Variants in FGF13 observed in about 807,000 individuals in gnomAD.
FGF13 encodes fibroblast growth factor homologous factor 2.
Under a neutral mutation model 19.5 loss-of-function variants are expected in FGF13, and 2 were observed. The observed-to-expected ratio is 0.10, with a 90% confidence interval of 0.04 to 0.32. The LOEUF is 0.32. Ranked by LOEUF, FGF13 falls within the 10% of genes least tolerant of loss-of-function variation. The probability of loss-of-function intolerance (pLI) is 1.00; values close to 1 mark genes in which losing one functional copy is unlikely to be tolerated. For missense variants in FGF13, 113 were observed against 192.7 expected (o/e 0.59, Z 2.45); for synonymous variants, 72 against 76.9 (o/e 0.94, Z 0.33).
intron 3 of FGF13, among the ~76,000 whole-genome samples, chrX:138,834,184 C>A (rs1310232722): frequency 8.9e-6 from 1 of 111,740 alleles, no homozygotes; most frequent in African/African-American, 3.3e-5. Flanking sequence ...AGGATGAATC[C>A]CTTGTTTTCA....
intron 1 of FGF13, among the ~76,000 whole-genome samples, chrX:138,988,964 T>G (rs2092004204): frequency 8.9e-6 from 1 of 112,005 alleles, no homozygotes; most frequent in Admixed American, 9.5e-5. Context: ...AATGACTAAG[T>G]ATTCATTTTA....
At chrX:138,814,505 CAAG>C (rs1041968792) in intron 3 of FGF13, among the ~76,000 whole-genome samples, 8 of 110,570 alleles carry the variant, frequency 7.2e-5, no homozygotes, top group African/African-American at 2.6e-4. Flanking sequence ...AACTCAATAG[CAAG>C]AAAACAAATA....
At chrX:139,091,550 G>A (rs545856704) in intron 1 of FGF13, among the ~76,000 whole-genome samples, 2 of 111,463 alleles carry the variant, frequency 1.8e-5, no homozygotes, top group South Asian at 7.7e-4. Context: ...ACTGTCCACT[G>A]AGAGAGACAA....
intron 1 of FGF13, among the ~76,000 whole-genome samples, chrX:138,973,682 G>A (rs751024480): frequency 9.0e-6 from 1 of 111,353 alleles, no homozygotes; most frequent in Non-Finnish European, 1.9e-5. Context: ...CTGATGTTGG[G>A]TGCATGTATA....
At chrX:138,981,636 C>T (rs1845275840) in intron 1 of FGF13, among the ~76,000 whole-genome samples, 1 of 110,435 alleles carries the variant, frequency 9.1e-6, no homozygotes, top group African/African-American at 3.3e-5. Context: ...TCCAACAGCC[C>T]AGCCCATTTG....
intron 1 of FGF13, among the ~76,000 whole-genome samples, chrX:139,016,933 T>C (rs1345124994): frequency 9.0e-6 from 1 of 111,332 alleles, no homozygotes; most frequent in Non-Finnish European, 1.9e-5. Flanking sequence ...TATTTTTGTC[T>C]TTCTAAAATA....
chrX:138,883,053 C>CA (rs1417703556), intron 1 of FGF13, among the ~76,000 whole-genome samples: 2 of 112,088 alleles, frequency 1.8e-5, no homozygotes, highest in African/African-American at 6.5e-5. Context: ...GAAGCACAGA[C>CA]ACATGGATCA....
At chrX:139,007,850 G>A (rs1469703222) in intron 1 of FGF13, among the ~76,000 whole-genome samples, 4 of 112,367 alleles carry the variant, frequency 3.6e-5, no homozygotes, top group Non-Finnish European at 5.6e-5. Flanking sequence ...GTGAAACACC[G>A]AAAAACTGTG....
chrX:139,111,886 C>G (rs1306277859), intron 1 of FGF13, among the ~76,000 whole-genome samples: 2 of 111,973 alleles, frequency 1.8e-5, no homozygotes, highest in Non-Finnish European at 3.8e-5. Flanking sequence ...TAGATTAAAA[C>G]TTAATCATTA....
At chrX:139,176,310 G>C (rs2084183377) in intron 1 of FGF13, among the ~76,000 whole-genome samples, 1 of 108,890 alleles carries the variant, frequency 9.2e-6, no homozygotes, top group South Asian at 4.0e-4. Context: ...TCTTTAATCT[G>C]GCTAGTGGTC....
At chrX:139,137,242 C>A (rs750612956) in intron 1 of FGF13, among the ~76,000 whole-genome samples, 1 of 112,202 alleles carries the variant, frequency 8.9e-6, no homozygotes, top group Non-Finnish European at 1.9e-5. Flanking sequence ...GCCTTTTACA[C>A]TTTACCACAA....
At chrX:138,936,264 C>A (rs1048414604) in intron 1 of FGF13, among the ~76,000 whole-genome samples, 2 of 112,132 alleles carry the variant, frequency 1.8e-5, no homozygotes, top group African/African-American at 6.5e-5. Flanking sequence ...AAGAGCTCTC[C>A]CTTAGTAATC....
chrX:138,965,468 T>G (rs1603078073), intron 1 of FGF13, among the ~76,000 whole-genome samples: 1 of 112,129 alleles, frequency 8.9e-6, no homozygotes, highest in Non-Finnish European at 1.9e-5. Flanking sequence ...TCTGGTACAC[T>G]GACAAGGTAA....
At chrX:138,796,359 T>C (rs1244963655) in intron 3 of FGF13, among the ~76,000 whole-genome samples, 1 of 111,888 alleles carries the variant, frequency 8.9e-6, no homozygotes. Context: ...CTGAGAATGA[T>C]GGTTTCCAGC....
At chrX:139,065,980 C>A (rs2092355077) in intron 1 of FGF13, among the ~76,000 whole-genome samples, 1 of 111,798 alleles carries the variant, frequency 8.9e-6, no homozygotes, top group Non-Finnish European at 1.9e-5. Context: ...GTCTCTCAGA[C>A]AACAGTGCAA....
intron 3 of FGF13, among the ~76,000 whole-genome samples, chrX:138,697,646 A>T (rs17001785): frequency 0.047 from 5,264 of 111,100 alleles, 280 homozygotes; most frequent in African/African-American, 0.16. Context: ...GAAAACTAGA[A>T]TTTTTTGAAA....
chrX:139,142,203 C>G (rs1315698140), intron 1 of FGF13, among the ~76,000 whole-genome samples: 2 of 111,874 alleles, frequency 1.8e-5, no homozygotes, highest in African/African-American at 6.5e-5. Flanking sequence ...ATAAATGTGT[C>G]TCACTGCATT....
Position 138,857,727 on chromosome X carries a change from A to G in FGF13, c.-38-48T>C, listed in dbSNP as rs765094213. 2.1e-5 allele frequency: 21 copies of G among 1,010,501 alleles called. No homozygotes were observed. The African/African-American group carries it at 4.1e-4, about 20-fold the overall frequency. The allele number at this position is 1,010,501 out of a possible 1,213,427, so 83.3% of individuals were successfully genotyped here. Reference sequence around the variant, plus strand: ...TGAACTCAAGTTAGAGCCTCAGAAAAGCAGCGAATGTCTTAAATCAAATAT... The same window carrying G: ...TGAACTCAAGTTAGAGCCTCAGAAAGGCAGCGAATGTCTTAAATCAAATAT... On this transcript the variant is annotated intron_variant, in intron 2 of 2. Coordinates refer to the FGF13 transcript ENST00000421460.
chrX:138,984,524 G>GAAGAAGAAC (rs1569436041), intron 1 of FGF13, among the ~76,000 whole-genome samples: 16 of 13,646 alleles, frequency 1.2e-3, no homozygotes, highest in African/African-American at 4.1e-3. Context: ...AGAAGAAGAG[G>GAAGAAGAAC]AAGAAGAAGA....
Sources: allele counts gnomAD v4.1 joint callset (sites outside exome capture counted in the v4.1 genomes callset), GRCh38; gene constraint gnomAD v4.1.1; transcripts MANE v1.5; gene names NCBI Gene and HGNC (gene_info 2026-07-23, HGNC 2026-07-21).